Variants in WWOX observed in about 807,000 individuals in gnomAD.
WWOX encodes the protein WW domain containing oxidoreductase, also known as WW domain-containing oxidoreductase.
In WWOX, 69 loss-of-function variants were observed where a neutral mutation model predicts 46.2. That is an observed-to-expected ratio of 1.49 (90% CI 1.23 to 1.82). The LOEUF is 1.82. Ranked by LOEUF, WWOX falls within the 40% of genes most tolerant of loss-of-function variation. WWOX has a pLI of 0.00. For missense variants in WWOX, 919 were observed against 542.6 expected (o/e 1.69, Z -6.89); for synonymous variants, 359 against 202.6 (o/e 1.77, Z -6.56).
chr16:79,005,173 A>T (rs1365085715), intron 8 of WWOX, among the ~76,000 whole-genome samples: 1 of 152,058 alleles, frequency 6.6e-6, no homozygotes, highest in East Asian at 1.9e-4. Context: ...TTGTGCTTTG[A>T]ATGCAGGCCT....
At chr16:78,220,800 C>T (rs1286681004) in intron 5 of WWOX, among the ~76,000 whole-genome samples, 1 of 152,110 alleles carries the variant, frequency 6.6e-6, no homozygotes, top group African/African-American at 2.4e-5. Context: ...TAGTTAGCGG[C>T]TAGGGAAGGG....
At chr16:78,721,539 C>T (rs1412748807) in intron 8 of WWOX, among the ~76,000 whole-genome samples, 4 of 152,156 alleles carry the variant, frequency 2.6e-5, no homozygotes, top group Non-Finnish European at 5.9e-5. Context: ...AGTATTTGCT[C>T]TTCTTTAGAA....
At chr16:78,924,516 C>T (rs368832813) in intron 8 of WWOX, among the ~76,000 whole-genome samples, 12 of 152,304 alleles carry the variant, frequency 7.9e-5, no homozygotes, top group African/African-American at 2.9e-4. Context: ...GAGTAATTTA[C>T]TCAAGATTCT....
intron 8 of WWOX, among the ~76,000 whole-genome samples, chr16:78,560,354 CATT>C (rs2044405920): frequency 6.6e-6 from 1 of 152,126 alleles, no homozygotes; most frequent in African/African-American, 2.4e-5. Context: ...TCAAGAATAA[CATT>C]AGTGGCCAGG....
chr16:78,839,112 C>G (rs540086910), intron 8 of WWOX, among the ~76,000 whole-genome samples: 2 of 152,230 alleles, frequency 1.3e-5, no homozygotes, highest in Admixed American at 1.3e-4. Context: ...GCATGTGAAT[C>G]TACACTTATC....
Position 79,085,258 on chromosome 16 carries a change from C to T in WWOX, c.1057-126350C>T, listed in dbSNP as rs114529520. ...TATTAGTTGTTTTCTCTTTCCAAAC[C>T]ACCTTCTGGAGGTCTCTTAGATTTT... On this transcript the variant is annotated intron_variant, in intron 8 of 8. Coordinates refer to ENST00000566780, the MANE Select transcript of WWOX (RefSeq NM_016373.4). Among the ~76,000 whole-genome samples the T allele has an allele frequency of 3.5e-3, 539 of 152,218 alleles. 4 individuals carry two copies. Among genetic ancestry groups the T allele is most frequent in the African/African-American group, 0.012 (509 of 41,522 alleles).
intron 6 of WWOX, among the ~76,000 whole-genome samples, chr16:78,404,754 C>G (rs1444368240): frequency 6.6e-6 from 1 of 152,148 alleles, no homozygotes; most frequent in Non-Finnish European, 1.5e-5. Flanking sequence ...CTTTTTCTTA[C>G]TTTCCCGACC....
At chr16:79,023,706 G>T (rs2047580687) in intron 8 of WWOX, among the ~76,000 whole-genome samples, 1 of 151,542 alleles carries the variant, frequency 6.6e-6, no homozygotes, top group Non-Finnish European at 1.5e-5. Context: ...GATCACCTGA[G>T]GTCTCAGAAG....
At chr16:78,819,599 G>A (rs74031959) in intron 8 of WWOX, among the ~76,000 whole-genome samples, 1 of 152,160 alleles carries the variant, frequency 6.6e-6, no homozygotes, top group Non-Finnish European at 1.5e-5. Flanking sequence ...GCCCTGTTTT[G>A]CAAGGAGCAG....
chr16:78,220,260 G>T (rs186872517), intron 5 of WWOX, among the ~76,000 whole-genome samples: 1 of 152,168 alleles, frequency 6.6e-6, no homozygotes. Flanking sequence ...TTAAAGGCCA[G>T]TTATGTGATG....
chr16:78,996,372 A>T, intron 8 of WWOX: 2 of 459,794 alleles, frequency 4.3e-6, no homozygotes, highest in Admixed American at 2.3e-4. Context: ...TGAATTCTGC[A>T]CCCACCCCCG....
intron 8 of WWOX, chr16:79,017,576 C>T (rs1335724405): frequency 6.6e-6 from 1 of 151,376 alleles, no homozygotes; most frequent in African/African-American, 2.4e-5. Flanking sequence ...TCACAATTCA[C>T]TTCTGCCTTT....
chr16:79,202,137 T>A (rs994475632), intron 8 of WWOX, among the ~76,000 whole-genome samples: 14 of 152,142 alleles, frequency 9.2e-5, no homozygotes, highest in African/African-American at 3.4e-4. Context: ...TTCACAACAA[T>A]AGCAGAGTTG....
intron 8 of WWOX, among the ~76,000 whole-genome samples, chr16:78,545,593 C>G (rs2044010402): frequency 6.6e-6 from 1 of 152,110 alleles, no homozygotes. Flanking sequence ...CAGTGATGCC[C>G]AGGAATAGTC....
At chr16:78,518,459 G>T (rs1188641010) in intron 8 of WWOX, among the ~76,000 whole-genome samples, 2 of 152,216 alleles carry the variant, frequency 1.3e-5, no homozygotes, top group African/African-American at 2.4e-5. Flanking sequence ...GACCTCAAGT[G>T]ATCTGTCCGC....
chr16:78,151,222 A>G (rs2034395191), intron 4 of WWOX, among the ~76,000 whole-genome samples: 1 of 151,968 alleles, frequency 6.6e-6, no homozygotes, highest in African/African-American at 2.4e-5. Context: ...CTGGATGAAG[A>G]CCCAGTATGT....
chr16:78,848,190 C>T (rs192029616), intron 8 of WWOX, among the ~76,000 whole-genome samples: 1 of 152,186 alleles, frequency 6.6e-6, no homozygotes, highest in Non-Finnish European at 1.5e-5. Context: ...TAATATCCAG[C>T]AAATGCCAAT....
chr16:78,703,971 T>G (rs1479855056), intron 8 of WWOX, among the ~76,000 whole-genome samples: 1 of 152,152 alleles, frequency 6.6e-6, no homozygotes, highest in Non-Finnish European at 1.5e-5. Context: ...TTTTAACCAT[T>G]TCTCAGTGCA....
At chr16:78,997,315 C>T (rs1228436899) in intron 8 of WWOX, among the ~76,000 whole-genome samples, 1 of 152,138 alleles carries the variant, frequency 6.6e-6, no homozygotes, top group African/African-American at 2.4e-5. Flanking sequence ...CCTATATCAG[C>T]TTTGGAAATA....
Sources: gnomAD v4.1 joint callset for allele counts (sites outside exome capture counted in the v4.1 genomes callset) on GRCh38, gnomAD v4.1.1 for gene constraint, MANE v1.5 for transcripts, NCBI Gene and HGNC (gene_info 2026-07-23, HGNC 2026-07-21) for gene names.